The following KLC3 variants were observed in gnomAD, a reference collection of about 807,000 sequenced individuals.
KLC3 encodes kinesin light chain 3, also known as kinesin light chain 2.
A neutral mutation model predicts 62.9 loss-of-function variants in KLC3; 72 were observed. The observed-to-expected ratio is 1.15, with a 90% CI of 0.95 to 1.39. KLC3 has a LOEUF of 1.39. Ranked by LOEUF, KLC3 falls within the 40% of genes most tolerant of loss-of-function variation. KLC3 has a pLI of 0.00. For synonymous variants in KLC3, 377 were observed against 300.5 expected (o/e 1.25, Z -2.63); for missense variants, 848 against 691.6 (o/e 1.23, Z -2.54).
rs1190814952 is a variant in KLC3 at position 45,346,810 on chromosome 19, C to A, written c.489+36C>A. 4.6e-6 allele frequency: 7 copies of A among 1,522,536 alleles called. No homozygotes were observed. The South Asian group carries it at 8.4e-5, about 18-fold the overall frequency. The allele number at this position is 1,522,536 out of a possible 1,614,324, so 94.3% of individuals were successfully genotyped here. On this transcript the variant is annotated intron_variant, in intron 3 of 12. Coordinates refer to ENST00000391946, the MANE Select transcript of KLC3 (RefSeq NM_177417.3). ...CAGGGCGAGGCGGGGGGTGCTGGGC[C>A]CTTCATAGAGCCCCACAGTCCCCCA...
chr19:45,348,845 C>G lies in KLC3; in HGVS notation c.893C>G (p.Ala298Gly). 6.3e-7 allele frequency: 1 copy of G among 1,576,296 alleles called. No homozygotes were observed. The highest frequency in any genetic ancestry group is 8.6e-7 in the Non-Finnish European group (1 of 1,160,972). The change falls in exon 7 of 13, where the codon GCT (alanine) becomes GGT (glycine). Residue 298 changes from alanine to glycine, a missense_variant. By Grantham distance (60) the Ala-to-Gly change is moderately conservative. Transcript: ENST00000391946. ...PAVAATLNNL[A>G]VLYGKRGRYR... ...GTGGCCGCCACGCTCAACAACTTGG[C>G]TGTCCTCTATGGGAAGCGTGGGCGT...
chr19:45,345,835 C>G, intron 2 of KLC3, 36 bp downstream of exon 2: 5 of 1,520,606 alleles, frequency 3.3e-6, no homozygotes, highest in Non-Finnish European at 4.4e-6. Flanking sequence ...GGGGGAAGGT[C>G]AGCTGAGGGC....
chr19:45,348,300 A>G, intron 5 of KLC3, 140 bp downstream of exon 5: 1 of 798,282 alleles, frequency 1.3e-6, no homozygotes, highest in Non-Finnish European at 2.0e-6. Flanking sequence ...ATGGGAAAGG[A>G]AGGGAAGGCT....
chr19:45,341,799 G>A (rs1568519517), intron 1 of KLC3, among the ~76,000 whole-genome samples: 1 of 140,336 alleles, frequency 7.1e-6, no homozygotes. Context: ...GTGTGTGTGT[G>A]TGTAGAGAGG....
chr19:45,351,238 C>A, intron 12 of KLC3, 48 bp from the exon 13 acceptor site: 1 of 1,585,108 alleles, frequency 6.3e-7, no homozygotes, highest in Non-Finnish European at 8.6e-7. Flanking sequence ...GTGGATGTAA[C>A]ACTTGCCCCT....
At chr19:45,351,234 G>T in intron 12 of KLC3, 52 bp from the exon 13 acceptor site, 4 of 1,588,730 alleles carry the variant, frequency 2.5e-6, no homozygotes, top group Non-Finnish European at 1.7e-6. Context: ...GAGGGTGGAT[G>T]TAACACTTGC....
intron 7 of KLC3, 52 bp from the exon 8 acceptor site, chr19:45,349,377 G>A (rs372626747): frequency 1.4e-4 from 212 of 1,529,008 alleles, no homozygotes; most frequent in East Asian, 2.5e-4. Flanking sequence ...GTGATGTCAC[G>A]TGTCCCACCA....
rs1568524498 is a variant in KLC3 at position 45,348,676 on chromosome 19, C to T, written c.810C>T (p.Asp270=). The T allele has an allele frequency of 8.2e-6, 13 of 1,594,248 alleles. No homozygotes were observed. The highest frequency in any genetic ancestry group is 3.5e-5 in the Admixed American group (2 of 57,206). Residue 270 remains aspartate (D), a synonymous_variant, in exon 6 of 13, where the codon GAC becomes GAT. Transcript: ENST00000391946. ...RDQNKYKEAT[D]LLHDALQIRE... ...AGAACAAGTACAAAGAAGCCACAGA[C>T]CTTCTCCATGATGCCCTGCAGATCC...
In KLC3 at chr19:45,350,323, A is replaced by C. The variant is rs562591659; in HGVS notation, c.1144-18A>C. ...GAACTGGGGTCCGAAAAGTTCCCAG[A>C]CACTCCCTTCTCCGCAGGCCTCAGC... On this transcript the variant is annotated intron_variant, in intron 8 of 12. Coordinates refer to ENST00000391946, the MANE Select transcript of KLC3 (RefSeq NM_177417.3). The C allele has an allele frequency of 3.7e-6, 6 of 1,610,500 alleles. No homozygotes were observed. The highest frequency in any genetic ancestry group is 1.7e-5 in the Admixed American group (1 of 59,806).
intron 1 of KLC3, among the ~76,000 whole-genome samples, chr19:45,343,347 T>C (rs1971428333): frequency 6.6e-6 from 1 of 152,118 alleles, no homozygotes; most frequent in African/African-American, 2.4e-5. Flanking sequence ...ATATTATCAC[T>C]TTTTGACACG....
chr19:45,342,997 G>T (rs561127839), intron 1 of KLC3, among the ~76,000 whole-genome samples: 1 of 152,170 alleles, frequency 6.6e-6, no homozygotes, highest in African/African-American at 2.4e-5. Flanking sequence ...ATCCCTCCAC[G>T]CGTATTCACA....
At position 45,349,571 on chromosome 19, in the gene KLC3, A is replaced by T; in HGVS notation, c.1112A>T (p.Asp371Val). The T allele has an allele frequency of 1.2e-6, 2 of 1,612,936 alleles. No individual in the cohort carries two copies. Among genetic ancestry groups the T allele is most frequent in the Non-Finnish European group, 1.7e-6 (2 of 1,179,386 alleles). ...SIYEALGGPH[D>V]PNVAKTKNNL... is the part of the protein sequence containing the mutation. Reference sequence around the variant, plus strand: ...TATGAGGCACTGGGCGGGCCCCATGACCCCAACGTGGCCAAGACCAAGAAC... The same window carrying T: ...TATGAGGCACTGGGCGGGCCCCATGTCCCCAACGTGGCCAAGACCAAGAAC... Residue 371 changes from aspartate (D) to valine (V), a missense_variant, in exon 8 of 13, where the codon GAC becomes GTC. Asp to Val is a radical substitution (Grantham distance 152, BLOSUM62 -3). Coordinates refer to ENST00000391946, the MANE Select transcript of KLC3 (RefSeq NM_177417.3).
intron 1 of KLC3, among the ~76,000 whole-genome samples, chr19:45,344,003 AT>A (rs1422500658): frequency 8.6e-5 from 13 of 151,228 alleles, no homozygotes; most frequent in African/African-American, 1.2e-4. Flanking sequence ...TTTTATTTTT[AT>A]TTTTGTAGGG....
In KLC3 at chr19:45,341,799, GTGT is replaced by G. The variant is rs1399545291; in HGVS notation, c.-9+954_-9+956del. On this transcript the variant is annotated intron_variant, in intron 1 of 12. Coordinates refer to ENST00000391946, the MANE Select transcript of KLC3 (RefSeq NM_177417.3). ...TGCGTGTGTGTGTGTGTGTGTGTGTGTGTAGAGAGGAACTAGAGGGTGTGTGAT... is the reference window on the plus strand; with the variant it reads ...TGCGTGTGTGTGTGTGTGTGTGTGTGAGAGAGGAACTAGAGGGTGTGTGAT... Among the ~76,000 whole-genome samples, 582 of 140,422 alleles carry G rather than the reference GTGT, an allele frequency of 4.1e-3. 3 individuals are homozygous for G. Among genetic ancestry groups the G allele is most frequent in the African/African-American group, 0.017 (533 of 31,110 alleles). 92.1% of individuals were successfully genotyped at this position (140,422 alleles called of 152,430 possible). A position where few individuals can be genotyped will look rare whatever the true frequency, so the allele number is the denominator to read the frequency against.
At position 45,347,624 on chromosome 19, in the gene KLC3, C is replaced by T. The variant is rs73572595; in HGVS notation, c.559+108C>T. 4.3e-3 allele frequency: 4,529 copies of T among 1,043,902 alleles called. 136 individuals are homozygous for T. The African/African-American group carries it at 0.062, about 14-fold the overall frequency. 64.7% of individuals were successfully genotyped at this position (1,043,902 alleles called of 1,614,324 possible). On this transcript the variant is annotated intron_variant, in intron 4 of 12. Coordinates refer to ENST00000391946, the MANE Select transcript of KLC3 (RefSeq NM_177417.3). The stretch of plus-strand genomic sequence containing the variant: ...GAGCCAGGGGATGGGGAGGTGAGGG[C>T]AGGGTGAGGAGGACCCTGAATGTGA...
In KLC3 at chr19:45,349,439, C is replaced by T; in HGVS notation, c.980C>T (p.Ala327Val). The T allele has an allele frequency of 6.2e-7, 1 of 1,608,300 alleles. No homozygotes were observed. The highest frequency in any genetic ancestry group is 8.5e-7 in the Non-Finnish European group (1 of 1,176,428). ...ALEIREKVLG[A>V]DHPDVAKQLN... ...ACCCCTGGCCCCCAGGTCCTGGGTG[C>T]TGACCACCCAGATGTGGCCAAGCAG... Residue 327 changes from alanine to valine, a missense_variant, in exon 8 of 13, where the codon GCT becomes GTT. Coordinates refer to ENST00000391946, the MANE Select transcript of KLC3 (RefSeq NM_177417.3).
chr19:45,342,276 T>C (rs1971411126), intron 1 of KLC3, among the ~76,000 whole-genome samples: 1 of 152,092 alleles, frequency 6.6e-6, no homozygotes, highest in Non-Finnish European at 1.5e-5. Flanking sequence ...AGAATAGGTA[T>C]GGTGTGATAT....
rs780502639 is a variant in KLC3, at chr19:45,346,721, C to T, written c.436C>T (p.His146Tyr). Residue 146 changes from histidine to tyrosine, a missense_variant, in exon 3 of 13, where the codon CAC becomes TAC. By Grantham distance (83) the His-to-Tyr change is moderately conservative. Transcript: ENST00000391946. ...GGCCCAGCTGGAGGAGGAGAAGCGC[C>T]ACCTGGAGTTCCTGGGGCAGCTGCG... ...SVAQLEEEKR[H>Y]LEFLGQLRQY... is the part of the protein sequence containing the mutation. The T allele has an allele frequency of 6.3e-7, 1 of 1,585,878 alleles. No homozygotes were observed. Among genetic ancestry groups the T allele is most frequent in the South Asian group, 1.2e-5 (1 of 86,886 alleles).
intron 2 of KLC3, among the ~76,000 whole-genome samples, chr19:45,346,036 C>G (rs1393309579): frequency 6.6e-6 from 1 of 152,138 alleles, no homozygotes; most frequent in Non-Finnish European, 1.5e-5. Context: ...CATGAGGGCT[C>G]CTGTAATCCC....
Sources: gnomAD v4.1 joint callset for allele counts (sites outside exome capture counted in the v4.1 genomes callset) on GRCh38, gnomAD v4.1.1 for gene constraint, MANE v1.5 for transcripts, NCBI Gene and HGNC (gene_info 2026-07-23, HGNC 2026-07-21) for gene names.